DMTF1: variants seen among roughly 807,000 people sequenced by gnomAD.
The protein encoded by DMTF1 is cyclin D binding myb like transcription factor 1.
DMTF1 carries 39 observed loss-of-function variants against 91.1 expected under a neutral mutation model. The observed-to-expected ratio is 0.43, with a 90% CI of 0.33 to 0.56. DMTF1 has a LOEUF of 0.56. Among genes scored for constraint, DMTF1 ranks in the 20% least tolerant of loss-of-function variants. The probability of loss-of-function intolerance (pLI) is 0.05; values close to 1 mark genes in which losing one functional copy is unlikely to be tolerated. For missense variants in DMTF1, 750 were observed against 914.5 expected (o/e 0.82, Z 2.32); for synonymous variants, 338 against 309.5 (o/e 1.09, Z -0.97).
Position 87,193,318 on chromosome 7 carries a change from G to C in DMTF1, c.1615G>C (p.Ala539Pro). Residue 539 changes from alanine (A) to proline (P), a missense_variant, in exon 15 of 18, where the codon GCT becomes CCT. Physicochemically the swap from Ala to Pro is conservative, Grantham distance 27. Around this residue, in one of 3 missense-constraint regions of DMTF1, gnomAD observed 410 missense variants for 420.2 expected, o/e 0.98. Transcript: ENST00000331242. ...AGTAACCCTGACAGCTGCTGCTCCTGCTTCTCCTGAACAGATTATTGTTCA... is the reference window on the plus strand; with the variant it reads ...AGTAACCCTGACAGCTGCTGCTCCTCCTTCTCCTGAACAGATTATTGTTCA... ...PTVTLTAAAP[A>P]SPEQIIVHAL... is the part of the protein sequence containing the mutation. The C allele has an allele frequency of 6.2e-7, 1 of 1,613,310 alleles. No homozygotes were observed. Among genetic ancestry groups the C allele is most frequent in the Non-Finnish European group, 8.5e-7 (1 of 1,179,528 alleles).
chr7:87,173,714 C>A (rs1584324948), intron 6 of DMTF1, 65 bp downstream of exon 6: 2 of 948,164 alleles, frequency 2.1e-6, no homozygotes, highest in Non-Finnish European at 3.1e-6. Flanking sequence ...GGCTTATAGT[C>A]ATCAGGATTC....
intron 6 of DMTF1, among the ~76,000 whole-genome samples, chr7:87,174,041 G>A (rs1277441184): frequency 6.6e-6 from 1 of 152,146 alleles, no homozygotes; most frequent in African/African-American, 2.4e-5. Flanking sequence ...TGTTGGCTAT[G>A]CTCAAGCATA....
intron 7 of DMTF1, among the ~76,000 whole-genome samples, chr7:87,176,134 G>A (rs1380394312): frequency 6.6e-6 from 1 of 152,170 alleles, no homozygotes; most frequent in Non-Finnish European, 1.5e-5. Flanking sequence ...GAAACGCAGT[G>A]CTGCCTAGAA....
At chr7:87,166,696 G>A in intron 4 of DMTF1, 91 bp downstream of exon 4, 1 of 1,267,748 alleles carries the variant, frequency 7.9e-7, no homozygotes, top group South Asian at 1.3e-5. Context: ...TAATAGACTT[G>A]GACTTACTGC....
intron 10 of DMTF1, among the ~76,000 whole-genome samples, chr7:87,184,122 ATTC>A (rs1262985415): frequency 1.3e-5 from 2 of 152,212 alleles, no homozygotes; most frequent in East Asian, 1.9e-4. Flanking sequence ...TTGAGAATAC[ATTC>A]TTCTTTGTAG....
intron 1 of DMTF1, among the ~76,000 whole-genome samples, chr7:87,161,868 G>A (rs1416843095): frequency 6.6e-6 from 1 of 152,164 alleles, no homozygotes; most frequent in Non-Finnish European, 1.5e-5. Flanking sequence ...CTCAATGGTT[G>A]GGATATAAAT....
chr7:87,190,805 T>C, intron 13 of DMTF1, 140 bp from the exon 14 acceptor site: 1 of 609,986 alleles, frequency 1.6e-6, no homozygotes, highest in East Asian at 3.1e-5. Context: ...TCTTAAGAAA[T>C]GTAAATGACT....
intron 8 of DMTF1, 134 bp downstream of exon 8, chr7:87,179,836 T>A (rs541225399): frequency 1.3e-6 from 1 of 795,934 alleles, no homozygotes; most frequent in African/African-American, 1.8e-5. Flanking sequence ...CAGGTCCATG[T>A]TGTGAATATG....
intron 15 of DMTF1, 83 bp from the exon 16 acceptor site, chr7:87,193,642 A>G: frequency 7.9e-7 from 1 of 1,270,332 alleles, no homozygotes; most frequent in South Asian, 1.4e-5. Flanking sequence ...TTTGAGAGGT[A>G]AGAGATGTGG....
chr7:87,170,972 A>G, intron 4 of DMTF1, 23 bp from the exon 5 acceptor site: 1 of 1,486,670 alleles, frequency 6.7e-7, no homozygotes, highest in Non-Finnish European at 9.4e-7. Flanking sequence ...TATTCTGGAG[A>G]TGAACGGTTC....
At chr7:87,194,628 T>C in intron 16 of DMTF1, 56 bp from the exon 17 acceptor site, 2 of 1,359,022 alleles carry the variant, frequency 1.5e-6, no homozygotes, top group South Asian at 1.3e-5. Context: ...ATACATGGGA[T>C]TTTAAGGAAG....
At position 87,196,313 on chromosome 7, in the gene DMTF1, A is replaced by G; in HGVS notation, c.*1173A>G. ...TATTCAGTTTAACAGAAATAAAAGA[A>G]TATTTGTCTTAAGATGCAAGATTTG... On this transcript the variant is annotated 3_prime_UTR_variant, in exon 18 of 18. Transcript: ENST00000331242. 4.9e-6 allele frequency: 1 copy of G among 202,548 alleles called. No homozygotes were observed. Among genetic ancestry groups the G allele is most frequent in the Non-Finnish European group, 9.9e-6 (1 of 101,456 alleles). The allele number at this position is 202,548 out of a possible 1,614,324, so 12.5% of individuals were successfully genotyped here.
chr7:87,180,899 A>G (rs1169467805), intron 8 of DMTF1, among the ~76,000 whole-genome samples: 1 of 138,200 alleles, frequency 7.2e-6, no homozygotes, highest in Non-Finnish European at 1.5e-5. Flanking sequence ...TGTGTTGCGC[A>G]GGCTGGAGTA....
At chr7:87,188,322 A>C in intron 13 of DMTF1, 21 bp downstream of exon 13, 1 of 1,612,344 alleles carries the variant, frequency 6.2e-7, no homozygotes, top group Non-Finnish European at 8.5e-7. Flanking sequence ...GATCTTCAAG[A>C]TTCCTTGCTG....
intron 8 of DMTF1, 98 bp downstream of exon 8, chr7:87,179,800 T>A: frequency 1.8e-6 from 2 of 1,110,756 alleles, no homozygotes; most frequent in Non-Finnish European, 2.5e-6. Context: ...GTCAAGGTAT[T>A]AATTGTTGTT....
intron 4 of DMTF1, among the ~76,000 whole-genome samples, chr7:87,167,701 T>C (rs1794143464): frequency 6.6e-6 from 1 of 152,220 alleles, no homozygotes; most frequent in Non-Finnish European, 1.5e-5. Context: ...TTAATATTGC[T>C]TCCAGTTGTG....
intron 7 of DMTF1, among the ~76,000 whole-genome samples, chr7:87,178,541 T>G (rs1286814370): frequency 6.6e-6 from 1 of 152,088 alleles, no homozygotes; most frequent in Non-Finnish European, 1.5e-5. Flanking sequence ...ATTAATTACA[T>G]TAATAATTTC....
chr7:87,185,712 C>A, intron 11 of DMTF1, 117 bp from the exon 12 acceptor site: 1 of 1,140,428 alleles, frequency 8.8e-7, no homozygotes, highest in Non-Finnish European at 1.3e-6. Context: ...ACAATAGCAT[C>A]TCATTGGCAT....
At chr7:87,153,449 G>C (rs1047395636) in intron 1 of DMTF1, among the ~76,000 whole-genome samples, 3 of 152,206 alleles carry the variant, frequency 2.0e-5, no homozygotes, top group African/African-American at 4.8e-5. Flanking sequence ...GCAGATTTGA[G>C]AGTAGAAGTG....
Sources: gnomAD v4.1 joint callset for allele counts (sites outside exome capture counted in the v4.1 genomes callset) on GRCh38, gnomAD v4.1.1 for gene constraint, gnomAD v4.1.1 regional missense constraint, MANE v1.5 for transcripts, NCBI Gene and HGNC (gene_info 2026-07-23, HGNC 2026-07-21) for gene names.